Variants in EDA observed in about 807,000 individuals in gnomAD.
EDA encodes the protein ectodysplasin-A.
Under a neutral mutation model 23.6 loss-of-function variants are expected in EDA, and 2 were observed. The observed-to-expected ratio is 0.08, with a 90% CI of 0.03 to 0.27. EDA has a LOEUF of 0.27. EDA is among the 10% of genes least tolerant of loss of function. The pLI is 1.00. For synonymous variants in EDA, 131 were observed against 132.0 expected (o/e 0.99, Z 0.05); for missense variants, 229 against 324.2 (o/e 0.71, Z 2.26).
At chrX:69,787,670 C>A in intron 1 of EDA, among the ~76,000 whole-genome samples, 1 of 111,761 alleles carries the variant, frequency 8.9e-6, no homozygotes, top group Non-Finnish European at 1.9e-5. Flanking sequence ...CGTTGTTAGC[C>A]TGATGGGCTT....
intron 2 of EDA, among the ~76,000 whole-genome samples, chrX:70,012,169 A>G (rs2019886387): frequency 8.9e-6 from 1 of 112,041 alleles, no homozygotes; most frequent in Non-Finnish European, 1.9e-5. Flanking sequence ...AAGAAAACAT[A>G]TGGTTACAAA....
At chrX:70,023,512 G>A (rs1602614851) in intron 3 of EDA, among the ~76,000 whole-genome samples, 1 of 60,102 alleles carries the variant, frequency 1.7e-5, no homozygotes, top group African/African-American at 7.7e-5. Context: ...TTTTTGAGAC[G>A]GAGTTTCACT....
intron 6 of EDA, among the ~76,000 whole-genome samples, chrX:70,031,985 G>A (rs2020205499): frequency 9.0e-6 from 1 of 111,456 alleles, no homozygotes; most frequent in South Asian, 3.8e-4. Context: ...GGGGTGGGGT[G>A]CAGTGACTCA....
chrX:69,659,451 G>A (rs1784992881), intron 1 of EDA, among the ~76,000 whole-genome samples: 1 of 111,523 alleles, frequency 9.0e-6, no homozygotes, highest in Admixed American at 9.6e-5. Flanking sequence ...CAAAGATGTA[G>A]CATCAAATAA....
At chrX:69,646,381 A>G (rs754474385) in intron 1 of EDA, among the ~76,000 whole-genome samples, 1 of 111,945 alleles carries the variant, frequency 8.9e-6, no homozygotes, top group Non-Finnish European at 1.9e-5. Flanking sequence ...AGTTGTATGT[A>G]TATTTAGGAT....
chrX:69,617,002 C>T, intron 1 of EDA: 3 of 417,082 alleles, frequency 7.2e-6, no homozygotes, highest in Non-Finnish European at 1.3e-5. Context: ...GAGGTGCCTG[C>T]GCTGCCCCCC....
rs754100925 is a variant in EDA at position 69,815,175 on chromosome X, A to T, written c.397-141852A>T. ...AGTCCAAGTTCCTGGGGGGAGGGGA[A>T]GTTGCCATCTCTGCAGTTCAGTCGA... On this transcript the variant is annotated intron_variant, in intron 1 of 7. Coordinates refer to ENST00000374552, the MANE Select transcript of EDA (RefSeq NM_001399.5). Among the ~76,000 whole-genome samples, 5 of 112,110 alleles carry T rather than the reference A, an allele frequency of 4.5e-5. 1 individual carries two copies. Among genetic ancestry groups the T allele is most frequent in the Non-Finnish European group, 9.4e-5 (5 of 53,177 alleles).
chrX:69,873,700 A>G (rs2017600985), intron 1 of EDA, among the ~76,000 whole-genome samples: 1 of 112,119 alleles, frequency 8.9e-6, no homozygotes, highest in African/African-American at 3.2e-5. Context: ...ATTGCCAACA[A>G]GCAAAGAATC....
chrX:69,669,445 G>A (rs771252528), intron 1 of EDA, among the ~76,000 whole-genome samples: 1 of 110,455 alleles, frequency 9.1e-6, no homozygotes, highest in Non-Finnish European at 1.9e-5. Flanking sequence ...ATCTGCTGTA[G>A]GTTTTTGTTT....
At chrX:69,700,636 T>C (rs141925718) in intron 1 of EDA, among the ~76,000 whole-genome samples, 6,650 of 110,750 alleles carry the variant, frequency 0.06, 204 homozygotes, top group Middle Eastern at 0.093. Context: ...TGAGAGCTGC[T>C]TGGGGGATGG....
At chrX:69,963,322 T>C (rs2019128458) in intron 2 of EDA, among the ~76,000 whole-genome samples, 1 of 112,225 alleles carries the variant, frequency 8.9e-6, no homozygotes, top group African/African-American at 3.2e-5. Context: ...AGTACTGCTC[T>C]TGTATTTATT....
intron 1 of EDA, among the ~76,000 whole-genome samples, chrX:69,669,112 A>G (rs1362230096): frequency 2.7e-5 from 3 of 111,592 alleles, no homozygotes; most frequent in Non-Finnish European, 5.6e-5. Flanking sequence ...TCTTTTGGTT[A>G]CCATTTGTGT....
At chrX:69,717,383 A>C (rs931799716) in intron 1 of EDA, among the ~76,000 whole-genome samples, 2 of 111,346 alleles carry the variant, frequency 1.8e-5, no homozygotes, top group Admixed American at 9.6e-5. Context: ...AACTGGTATT[A>C]TATTTTAAAT....
At chrX:69,740,247 C>G (rs898308333) in intron 1 of EDA, among the ~76,000 whole-genome samples, 2 of 111,406 alleles carry the variant, frequency 1.8e-5, no homozygotes, top group South Asian at 7.5e-4. Context: ...GTGTTTTTCT[C>G]TATGGGATCA....
chrX:69,771,246 G>A (rs1036742803), intron 1 of EDA, among the ~76,000 whole-genome samples: 1 of 109,979 alleles, frequency 9.1e-6, no homozygotes, highest in Admixed American at 9.7e-5. Context: ...TTTTAGTAGA[G>A]ACAGGTTTTC....
chrX:69,915,393 C>A (rs914470875), intron 1 of EDA, among the ~76,000 whole-genome samples: 1 of 110,886 alleles, frequency 9.0e-6, no homozygotes, highest in Non-Finnish European at 1.9e-5. Context: ...CACCTGAGGT[C>A]GGGAGTTCAA....
intron 1 of EDA, among the ~76,000 whole-genome samples, chrX:69,713,118 C>T (rs1216010267): frequency 1.8e-5 from 2 of 109,787 alleles, no homozygotes; most frequent in Admixed American, 9.6e-5. Flanking sequence ...TGTTAAATGA[C>T]GAGTTAATGG....
chrX:69,941,627 A>C (rs2018758867), intron 1 of EDA, among the ~76,000 whole-genome samples: 1 of 111,127 alleles, frequency 9.0e-6, no homozygotes, highest in Admixed American at 9.6e-5. Flanking sequence ...TTAGCATGGA[A>C]TATCTTTTCC....
intron 1 of EDA, among the ~76,000 whole-genome samples, chrX:69,659,006 G>T (rs374096989): frequency 1.8e-5 from 2 of 111,645 alleles, no homozygotes; most frequent in East Asian, 5.6e-4. Flanking sequence ...AACCTCCCTG[G>T]ACTGGAGATT....
Sources: allele counts gnomAD v4.1 joint callset (sites outside exome capture counted in the v4.1 genomes callset), GRCh38; gene constraint gnomAD v4.1.1; transcripts MANE v1.5; gene names NCBI Gene and HGNC (gene_info 2026-07-23, HGNC 2026-07-21).